Variants in LRP5 observed in about 807,000 individuals in gnomAD.
LRP5 encodes the protein low-density lipoprotein receptor-related protein 5.
Under a neutral mutation model 154.1 loss-of-function variants are expected in LRP5, and 62 were observed. That is an observed-to-expected ratio of 0.40 (90% CI 0.33 to 0.50). The LOEUF (loss-of-function observed/expected upper bound fraction) is 0.50, where lower values mean the gene tolerates loss of function less well. Among genes scored for constraint, LRP5 ranks in the 20% least tolerant of loss-of-function variants. LRP5 has a pLI of 0.55. For missense variants in LRP5, 1,915 were observed against 2,336.7 expected (o/e 0.82, Z 3.72); for synonymous variants, 966 against 1,011.5 (o/e 0.96, Z 0.85).
chr11:68,351,417 T>C (rs2098618429), intron 2 of LRP5, among the ~76,000 whole-genome samples: 1 of 152,126 alleles, frequency 6.6e-6, no homozygotes, highest in Admixed American at 6.5e-5. Flanking sequence ...ACCTTCTTTT[T>C]GGAAGGGTCG....
intron 1 of LRP5, among the ~76,000 whole-genome samples, chr11:68,339,492 C>T (rs767323095): frequency 1.8e-4 from 28 of 152,070 alleles, no homozygotes; most frequent in African/African-American, 2.9e-4. Context: ...GTATTACAGG[C>T]GCCCTCCACC....
At chr11:68,303,377 T>G in the LRP5 span, among the ~76,000 whole-genome samples, 3 of 152,224 alleles carry the variant, frequency 2.0e-5, no homozygotes, top group African/African-American at 7.2e-5. Context: ...AAGGTCACTT[T>G]CGTTATGCCT....
chr11:68,300,779 C>A, the LRP5 span, among the ~76,000 whole-genome samples: 2 of 149,678 alleles, frequency 1.3e-5, no homozygotes, highest in Non-Finnish European at 3.0e-5. Context: ...CTACATGGAG[C>A]CGCCTTCCAG....
intron 1 of LRP5, among the ~76,000 whole-genome samples, chr11:68,324,316 A>G (rs1389704046): frequency 6.6e-6 from 1 of 152,244 alleles, no homozygotes; most frequent in East Asian, 1.9e-4. Flanking sequence ...GGGGTGGGAT[A>G]GTGAGAGCTG....
chr11:68,401,403 C>G (rs1287936851), intron 7 of LRP5, among the ~76,000 whole-genome samples: 3 of 152,168 alleles, frequency 2.0e-5, no homozygotes, highest in African/African-American at 7.2e-5. Flanking sequence ...CCCGCCTGCT[C>G]ATCAGAACCG....
intron 1 of LRP5, among the ~76,000 whole-genome samples, chr11:68,326,254 G>A (rs1038048498): frequency 4.6e-5 from 7 of 152,158 alleles, no homozygotes; most frequent in African/African-American, 1.7e-4. Context: ...GCAGGGGGCT[G>A]AGGGCTGACT....
Position 68,447,683 on chromosome 11 carries a change from G to T in LRP5, c.4587-1126G>T, listed in dbSNP as rs1281143862. On this transcript the variant is annotated intron_variant, in intron 22 of 22. Coordinates refer to ENST00000294304, the MANE Select transcript of LRP5 (RefSeq NM_002335.4). The surrounding 1 kb of genome is among the most constrained non-coding windows in gnomAD (Gnocchi z 4.3). ...CCCCCGCCCGCCGTCTGACCTCACA[G>T]CAGCTGGGCCCCAAGAGGAGTATCC... Among the ~76,000 whole-genome samples the T allele has an allele frequency of 6.6e-6, 1 of 152,170 alleles. No homozygotes were observed. Among genetic ancestry groups the T allele is most frequent in the African/African-American group, 2.4e-5 (1 of 41,434 alleles).
chr11:68,387,961 G>A (rs566474021), intron 6 of LRP5, among the ~76,000 whole-genome samples: 5 of 152,182 alleles, frequency 3.3e-5, no homozygotes, highest in African/African-American at 1.2e-4. Flanking sequence ...GCCCAGCCCT[G>A]GGGGTTGTGA....
At chr11:68,340,843 C>T (rs756387633) in intron 1 of LRP5, among the ~76,000 whole-genome samples, 2 of 152,066 alleles carry the variant, frequency 1.3e-5, no homozygotes, top group South Asian at 2.1e-4. Flanking sequence ...CTAATGAGGC[C>T]ACCTTTACTT....
chr11:68,435,978 GGCCTCCCAAAGT>G (rs1299754176), intron 18 of LRP5, among the ~76,000 whole-genome samples: 1 of 152,114 alleles, frequency 6.6e-6, no homozygotes, highest in Non-Finnish European at 1.5e-5. Context: ...CACCTACCTC[GGCCTCCCAAAGT>G]GCCATGATTA....
chr11:68,333,530 G>C (rs944172086), intron 1 of LRP5, among the ~76,000 whole-genome samples: 1 of 152,204 alleles, frequency 6.6e-6, no homozygotes, highest in African/African-American at 2.4e-5. Context: ...CCCCTTGAAG[G>C]GGAGATAGGA....
At chr11:68,372,533 C>G (rs527730558) in intron 5 of LRP5, among the ~76,000 whole-genome samples, 5 of 137,992 alleles carry the variant, frequency 3.6e-5, no homozygotes, top group African/African-American at 1.4e-4. Context: ...TGCGGGCTGA[C>G]CTTCTATTTT....
intron 5 of LRP5, among the ~76,000 whole-genome samples, chr11:68,375,798 G>A (rs1194956561): frequency 1.3e-5 from 2 of 152,234 alleles, no homozygotes; most frequent in South Asian, 2.1e-4. Flanking sequence ...CTGATTGAAC[G>A]GAAATCAGAG....
rs749461497 is a variant in LRP5, at chr11:68,365,632, C to T, written c.945C>T (p.Ser315=). The T allele has an allele frequency of 4.0e-5, 64 of 1,613,472 alleles. 1 individual carries two copies. In the Middle Eastern group the frequency reaches 6.6e-4, roughly 17 times the overall value. ...GCSHLCLLSP[S]EPFYTCACPT... Reference sequence around the variant, plus strand: ...CCCACCTGTGCCTGCTGTCCCCAAGCGAGCCTTTCTACACATGCGCCTGCC... The same window carrying T: ...CCCACCTGTGCCTGCTGTCCCCAAGTGAGCCTTTCTACACATGCGCCTGCC... Residue 315 remains serine, a synonymous_variant, in exon 5 of 23, where the codon AGC becomes AGT. Coordinates refer to ENST00000294304, the MANE Select transcript of LRP5 (RefSeq NM_002335.4).
chr11:68,408,692 T>C (rs2098657128), intron 9 of LRP5, among the ~76,000 whole-genome samples: 1 of 152,142 alleles, frequency 6.6e-6, no homozygotes, highest in Non-Finnish European at 1.5e-5. Flanking sequence ...ATCTTTTAAA[T>C]GTATGAAATA....
At chr11:68,374,568 G>A (rs751660921) in intron 5 of LRP5, among the ~76,000 whole-genome samples, 1 of 152,102 alleles carries the variant, frequency 6.6e-6, no homozygotes, top group Non-Finnish European at 1.5e-5. Context: ...ACATTTTAAC[G>A]TGTACATTTG....
At chr11:68,426,423 CTTT>C (rs58093101) in intron 16 of LRP5, among the ~76,000 whole-genome samples, 6 of 130,372 alleles carry the variant, frequency 4.6e-5, no homozygotes, top group Admixed American at 2.4e-4. Context: ...AACACCAACT[CTTT>C]TTTTTTTTTT....
At chr11:68,348,361 C>T in intron 2 of LRP5, 118 bp downstream of exon 2, 2 of 1,358,240 alleles carry the variant, frequency 1.5e-6, no homozygotes, top group Non-Finnish European at 2.0e-6. Flanking sequence ...TGAAAATGAA[C>T]CCGTGGGGGG....
chr11:68,429,499 G>A, intron 16 of LRP5, 76 bp from the exon 17 acceptor site: 1 of 1,595,136 alleles, frequency 6.3e-7, no homozygotes. Flanking sequence ...TTCTCATTTG[G>A]CCCCTACCCT....
Sources: gnomAD v4.1 joint callset for allele counts (sites outside exome capture counted in the v4.1 genomes callset) on GRCh38, gnomAD v4.1.1 for gene constraint, Gnocchi (gnomAD v3.1) non-coding constraint, MANE v1.5 for transcripts, NCBI Gene and HGNC (gene_info 2026-07-23, HGNC 2026-07-21) for gene names.